CCDC7: variants seen among roughly 807,000 people sequenced by gnomAD.
CCDC7 encodes coiled-coil domain-containing protein 7.
In CCDC7, 183 loss-of-function variants were observed where a neutral mutation model predicts 196.9. That is an observed-to-expected ratio of 0.93 (90% CI 0.82 to 1.05). CCDC7 has a LOEUF of 1.05. CCDC7 is among the 50% of genes least tolerant of loss of function. The pLI, the probability that CCDC7 is intolerant of heterozygous loss-of-function variation, is 0.00. For synonymous variants in CCDC7, 525 were observed against 484.6 expected (o/e 1.08, Z -1.10); for missense variants, 1,540 against 1,482.2 (o/e 1.04, Z -0.64).
intron 25 of CCDC7, among the ~76,000 whole-genome samples, chr10:32,715,096 T>A (rs905260896): frequency 4.6e-5 from 7 of 152,212 alleles, no homozygotes; most frequent in African/African-American, 1.7e-4. Context: ...CAGTGCCTCC[T>A]GATTGGGAGA....
In CCDC7 at chr10:32,453,445, A is replaced by G. The variant is rs1413480799; in HGVS notation, c.372+9A>G. ...AAGAATTATCTTTATCTGTAAGTAT[A>G]TGCAACCCTAATATAGAGACATTAA... On this transcript the variant is annotated intron_variant, in intron 2 of 41. Transcript: ENST00000639629. 1.3e-6 allele frequency: 2 copies of G among 1,500,832 alleles called. No individual in the cohort carries two copies. Among genetic ancestry groups the G allele is most frequent in the South Asian group, 1.5e-5 (1 of 68,320 alleles). 93.0% of individuals were successfully genotyped at this position (1,500,832 alleles called of 1,614,324 possible).
intron 20 of CCDC7, among the ~76,000 whole-genome samples, chr10:32,646,372 C>G (rs1259603508): frequency 1.3e-5 from 2 of 151,568 alleles, no homozygotes; most frequent in Admixed American, 6.6e-5. Context: ...TAGTTTTATT[C>G]CATTGTAATC....
chr10:32,647,410 C>A (rs1484922246), intron 20 of CCDC7, among the ~76,000 whole-genome samples: 1 of 73,872 alleles, frequency 1.4e-5, no homozygotes, highest in Non-Finnish European at 3.2e-5. Context: ...CTGGGAGGCT[C>A]AGGCAGGAAA....
downstream of CCDC7, among the ~76,000 whole-genome samples, chr10:32,881,206 A>C (rs1168401056): frequency 6.6e-6 from 1 of 152,094 alleles, no homozygotes; most frequent in African/African-American, 2.4e-5. Context: ...TTCACTGGGG[A>C]GTTCCTAGGT....
At chr10:32,477,581 G>C (rs78102643) in intron 8 of CCDC7, among the ~76,000 whole-genome samples, 2 of 151,286 alleles carry the variant, frequency 1.3e-5, no homozygotes, top group Non-Finnish European at 2.9e-5. Context: ...TGGATGTCCA[G>C]TTGTTTCAGC....
intron 31 of CCDC7, among the ~76,000 whole-genome samples, chr10:32,817,252 A>T (rs1266685539): frequency 1.3e-5 from 2 of 152,214 alleles, no homozygotes; most frequent in Non-Finnish European, 2.9e-5. Flanking sequence ...GGAAGATCAA[A>T]TGAATGAAAT....
intron 18 of CCDC7, among the ~76,000 whole-genome samples, chr10:32,607,729 A>C (rs1003886809): frequency 1.3e-5 from 2 of 152,076 alleles, no homozygotes; most frequent in Admixed American, 1.3e-4. Context: ...TTGGTTTGCT[A>C]CTATTTTGTT....
chr10:32,486,916 C>T (rs2041219917), intron 8 of CCDC7, among the ~76,000 whole-genome samples: 2 of 151,928 alleles, frequency 1.3e-5, no homozygotes, highest in Non-Finnish European at 1.5e-5. Context: ...TCTCTGGCTG[C>T]CCTTAACATT....
intron 25 of CCDC7, among the ~76,000 whole-genome samples, chr10:32,716,942 C>G (rs1190043777): frequency 6.6e-6 from 1 of 152,124 alleles, no homozygotes; most frequent in African/African-American, 2.4e-5. Context: ...TAGTGTGATA[C>G]TTTAACATCC....
At chr10:32,597,252 T>G (rs961134591) in intron 18 of CCDC7, among the ~76,000 whole-genome samples, 1 of 151,012 alleles carries the variant, frequency 6.6e-6, no homozygotes, top group Non-Finnish European at 1.5e-5. Flanking sequence ...CTAAACTTCT[T>G]GCTTCATTTC....
chr10:32,638,580 C>A (rs567177918), intron 20 of CCDC7, among the ~76,000 whole-genome samples: 5 of 152,244 alleles, frequency 3.3e-5, no homozygotes, highest in South Asian at 4.1e-4. Context: ...GGGATGAAGT[C>A]CACTTGATCA....
At chr10:32,838,702 A>G (rs1228234848) in intron 33 of CCDC7, among the ~76,000 whole-genome samples, 1 of 152,056 alleles carries the variant, frequency 6.6e-6, no homozygotes, top group Non-Finnish European at 1.5e-5. Flanking sequence ...TAAAGTCAAG[A>G]TAAAGTAAAG....
At chr10:32,765,259 G>A (rs1003395100) in intron 28 of CCDC7, among the ~76,000 whole-genome samples, 2 of 151,872 alleles carry the variant, frequency 1.3e-5, no homozygotes, top group African/African-American at 2.4e-5. Context: ...CATATAAAAG[G>A]AAATAATAAG....
At chr10:32,477,190 A>G (rs1267026855) in intron 8 of CCDC7, among the ~76,000 whole-genome samples, 2 of 151,146 alleles carry the variant, frequency 1.3e-5, no homozygotes, top group East Asian at 2.0e-4. Flanking sequence ...TTTTACATTT[A>G]TAACTATGAT....
chr10:32,477,868 A>G (rs1474546086), intron 8 of CCDC7, among the ~76,000 whole-genome samples: 4 of 152,182 alleles, frequency 2.6e-5, no homozygotes, highest in African/African-American at 4.8e-5. Flanking sequence ...TTGGTATCCA[A>G]AAAATACCTT....
chr10:32,690,172 C>A (rs2076924024), intron 23 of CCDC7, among the ~76,000 whole-genome samples: 1 of 152,112 alleles, frequency 6.6e-6, no homozygotes, highest in Non-Finnish European at 1.5e-5. Context: ...GAACTAATGG[C>A]CCAGTTAAGA....
chr10:32,576,302 TAAAAAA>T (rs61171117), intron 16 of CCDC7, among the ~76,000 whole-genome samples: 1 of 144,320 alleles, frequency 6.9e-6, no homozygotes. Context: ...CAAAGGGGGT[TAAAAAA>T]AAAAAAAAAA....
intron 29 of CCDC7, among the ~76,000 whole-genome samples, chr10:32,795,944 G>A (rs1397442543): frequency 6.6e-6 from 1 of 152,056 alleles, no homozygotes; most frequent in Non-Finnish European, 1.5e-5. Context: ...ATTTTCTCTT[G>A]CTGCGTTTGG....
At position 32,466,256 on chromosome 10, in the gene CCDC7, CTT is replaced by C. The variant is rs35430926; in HGVS notation, c.510+3222_510+3223del. Among the ~76,000 whole-genome samples the C allele has an allele frequency of 1.6e-3, 80 of 50,472 alleles. 1 individual carries two copies. Among genetic ancestry groups the C allele is most frequent in the Admixed American group, 6.2e-3 (26 of 4,186 alleles). 33.1% of individuals were successfully genotyped at this position (50,472 alleles called of 152,430 possible). ...TGTTTTTCAAGGAGTGTTTCTCTCT[CTT>C]TTTTTTTTTTTTTTGTAAACTTTTA... On this transcript the variant is annotated intron_variant, in intron 5 of 41. Coordinates refer to ENST00000639629, the Ensembl canonical transcript of CCDC7.
Sources: allele counts gnomAD v4.1 joint callset (sites outside exome capture counted in the v4.1 genomes callset), GRCh38; gene constraint gnomAD v4.1.1; transcripts MANE v1.5; gene names NCBI Gene and HGNC (gene_info 2026-07-23, HGNC 2026-07-21).